The following TLE1 variants were observed in gnomAD, a reference collection of about 807,000 sequenced individuals.
The protein encoded by TLE1 is TLE family member 1, transcriptional corepressor.
A neutral mutation model predicts 89.8 loss-of-function variants in TLE1; 21 were observed. That is an observed-to-expected ratio of 0.23 (90% confidence interval 0.17 to 0.34). The LOEUF is 0.34. TLE1 is among the 10% of genes least tolerant of loss of function. TLE1 has a pLI of 1.00. For synonymous variants in TLE1, 447 were observed against 407.6 expected (o/e 1.10, Z -1.16); for missense variants, 795 against 1,031.2 (o/e 0.77, Z 3.14).
intron 14 of TLE1, among the ~76,000 whole-genome samples, chr9:81,609,792 A>G (rs866366080): frequency 6.6e-6 from 1 of 152,208 alleles, no homozygotes; most frequent in African/African-American, 2.4e-5. Context: ...AGAGCTGAGT[A>G]AAGAGATGAC....
chr9:81,633,388 C>G, intron 7 of TLE1, 24 bp from the exon 8 acceptor site: 1 of 1,613,284 alleles, frequency 6.2e-7, no homozygotes, highest in South Asian at 1.1e-5. Context: ...TACCAAGAAA[C>G]GCACAGACAT....
At chr9:81,654,604 G>A (rs540357731) in intron 4 of TLE1, among the ~76,000 whole-genome samples, 62 of 152,308 alleles carry the variant, frequency 4.1e-4, no homozygotes, top group African/African-American at 1.1e-3. Context: ...GCCTCCCAAA[G>A]TGCTGGGATT....
At chr9:81,680,235 A>C (rs1395081886) in intron 4 of TLE1, among the ~76,000 whole-genome samples, 1 of 152,096 alleles carries the variant, frequency 6.6e-6, no homozygotes. Context: ...GGAAATCCCC[A>C]ATTAAATGAC....
At chr9:81,623,022 C>CG (rs1338601293) in intron 8 of TLE1, among the ~76,000 whole-genome samples, 1 of 152,182 alleles carries the variant, frequency 6.6e-6, no homozygotes, top group African/African-American at 2.4e-5. Flanking sequence ...CCAGCCCTGA[C>CG]GCTGCTTTCA....
intron 14 of TLE1, among the ~76,000 whole-genome samples, chr9:81,607,788 T>C (rs956526269): frequency 5.3e-5 from 8 of 152,174 alleles, no homozygotes; most frequent in African/African-American, 1.9e-4. Flanking sequence ...AACTAGTTCA[T>C]GGGTACTCAA....
chr9:81,610,169 AT>A, intron 14 of TLE1, 50 bp downstream of exon 14: 1 of 1,514,216 alleles, frequency 6.6e-7, no homozygotes, highest in Non-Finnish European at 9.1e-7. Flanking sequence ...GCTAATACCA[AT>A]GACTGAGTAA....
At chr9:81,644,132 C>T (rs947459019) in intron 6 of TLE1, among the ~76,000 whole-genome samples, 12 of 152,138 alleles carry the variant, frequency 7.9e-5, no homozygotes, top group Admixed American at 1.3e-4. Context: ...AATTCTCGTA[C>T]GCTATTGTGG....
intron 4 of TLE1, among the ~76,000 whole-genome samples, chr9:81,666,994 C>T (rs910030811): frequency 6.6e-6 from 1 of 151,664 alleles, no homozygotes. Flanking sequence ...GTGGTGTGGC[C>T]TATAGTCCCA....
chr9:81,651,501 T>G (rs1389499449), intron 6 of TLE1, among the ~76,000 whole-genome samples: 2 of 152,114 alleles, frequency 1.3e-5, no homozygotes, highest in Non-Finnish European at 2.9e-5. Flanking sequence ...CAGGGAGCAC[T>G]AGGGCAGACA....
chr9:81,627,179 C>T (rs1826009264), intron 8 of TLE1, among the ~76,000 whole-genome samples: 1 of 152,020 alleles, frequency 6.6e-6, no homozygotes, highest in African/African-American at 2.4e-5. Flanking sequence ...AGTTTGTTGT[C>T]CACCTATGTC....
At chr9:81,676,001 C>A (rs918611141) in intron 4 of TLE1, among the ~76,000 whole-genome samples, 1 of 151,988 alleles carries the variant, frequency 6.6e-6, no homozygotes, top group African/African-American at 2.4e-5. Flanking sequence ...ACCAGGCCGA[C>A]CCACACTAGT....
intron 11 of TLE1, among the ~76,000 whole-genome samples, 162 bp downstream of exon 11, chr9:81,615,820 C>T (rs1824435096): frequency 6.6e-6 from 1 of 151,972 alleles, no homozygotes; most frequent in African/African-American, 2.4e-5. Flanking sequence ...AAAAGTAAAC[C>T]CTGAATGGTG....
chr9:81,667,102 A>G (rs1372130017), intron 4 of TLE1, among the ~76,000 whole-genome samples: 1 of 152,204 alleles, frequency 6.6e-6, no homozygotes, highest in African/African-American at 2.4e-5. Context: ...AGCCTGGGCA[A>G]CAGAGTGAGA....
Position 81,688,266 on chromosome 9 carries a change from T to A in TLE1, c.-26A>T. ...CGCTCTGGCGGCGGCCGGGGCTCTG[T>A]TCCCCGGCAACTCAATTCTCCGGTC... On this transcript the variant is annotated 5_prime_UTR_variant, in exon 1 of 20. Transcript: ENST00000376499. 6.4e-7 allele frequency: 1 copy of A among 1,559,422 alleles called. No homozygotes were observed. Among genetic ancestry groups the A allele is most frequent in the East Asian group, 2.5e-5 (1 of 39,230 alleles).
At chr9:81,630,493 T>G (rs1826441712) in intron 8 of TLE1, among the ~76,000 whole-genome samples, 1 of 152,234 alleles carries the variant, frequency 6.6e-6, no homozygotes, top group Non-Finnish European at 1.5e-5. Context: ...TTAATTTTCT[T>G]TCTTACCCAG....
chr9:81,663,553 C>T (rs1831082391), intron 4 of TLE1, among the ~76,000 whole-genome samples: 1 of 152,146 alleles, frequency 6.6e-6, no homozygotes, highest in Admixed American at 6.5e-5. Context: ...ACAGAAAGTG[C>T]CTCTCATCTG....
At chr9:81,659,580 C>T (rs1459077779) in intron 4 of TLE1, among the ~76,000 whole-genome samples, 1 of 152,174 alleles carries the variant, frequency 6.6e-6, no homozygotes, top group Non-Finnish European at 1.5e-5. Context: ...GGATGGCCAC[C>T]ACCTACTGAG....
intron 6 of TLE1, among the ~76,000 whole-genome samples, chr9:81,642,802 CGA>C (rs1247665020): frequency 2.6e-5 from 4 of 152,142 alleles, no homozygotes; most frequent in Non-Finnish European, 4.4e-5. Context: ...GTGCTATTCA[CGA>C]GAGCCAAGAT....
rs574314933 is a variant in TLE1, at chr9:81,687,405, G to A, written c.54C>T (p.Phe18=). 2.5e-6 allele frequency: 4 copies of A among 1,611,510 alleles called. No homozygotes were observed. The highest frequency in any genetic ancestry group is 3.4e-6 in the Non-Finnish European group (4 of 1,179,412). ...PTPHQAAGQP[F]KFTIPESLDR... is the part of the protein sequence containing the mutation. ...CCAGGGACTCCGGGATAGTGAACTT[G>A]AAGGGCTGGCCTGCAGCCTGGTGCG... The change falls in exon 2 of 20, where the codon TTC becomes TTT. Residue 18 remains phenylalanine (F), a synonymous_variant. Transcript: ENST00000376499.
Sources: allele counts gnomAD v4.1 joint callset (sites outside exome capture counted in the v4.1 genomes callset), GRCh38; gene constraint gnomAD v4.1.1; transcripts MANE v1.5; gene names NCBI Gene and HGNC (gene_info 2026-07-23, HGNC 2026-07-21).